Variants in ITGA1 observed in about 807,000 individuals in gnomAD.
ITGA1 encodes integrin subunit alpha 1.
Under a neutral mutation model 145.9 loss-of-function variants are expected in ITGA1, and 85 were observed. That is an observed-to-expected ratio of 0.58 (90% CI 0.49 to 0.70). The LOEUF is 0.70. Among genes scored for constraint, ITGA1 ranks in the 30% least tolerant of loss-of-function variants. The pLI is 0.00. For synonymous variants in ITGA1, 520 were observed against 495.3 expected (o/e 1.05, Z -0.66); for missense variants, 1,351 against 1,418.7 (o/e 0.95, Z 0.77).
intron 28 of ITGA1, among the ~76,000 whole-genome samples, 176 bp from the exon 29 acceptor site, chr5:52,952,231 A>C (rs541155968): frequency 3.8e-4 from 58 of 152,142 alleles, no homozygotes; most frequent in African/African-American, 1.2e-3. Flanking sequence ...CAATTTAATA[A>C]ATGTCATTTT....
chr5:52,800,301 C>G, intron 1 of ITGA1: 3 of 1,416,142 alleles, frequency 2.1e-6, no homozygotes, highest in Non-Finnish European at 2.9e-6. Context: ...GGGCCCCGCC[C>G]CCTTCCTGGC....
intron 28 of ITGA1, among the ~76,000 whole-genome samples, chr5:52,951,391 C>G (rs1176092053): frequency 2.6e-5 from 4 of 152,076 alleles, no homozygotes; most frequent in Non-Finnish European, 5.9e-5. Flanking sequence ...TCCCTTCTAT[C>G]CCCCATACTT....
chr5:52,855,575 G>A (rs369042074), intron 2 of ITGA1, among the ~76,000 whole-genome samples: 1 of 151,938 alleles, frequency 6.6e-6, no homozygotes, highest in Non-Finnish European at 1.5e-5. Context: ...ATTCTACTGG[G>A]GAATAGAGAA....
At chr5:52,819,945 A>T (rs966680818) in intron 1 of ITGA1, among the ~76,000 whole-genome samples, 7 of 152,106 alleles carry the variant, frequency 4.6e-5, no homozygotes, top group African/African-American at 1.7e-4. Flanking sequence ...TTTGTCAAAG[A>T]TCAGATGGTT....
chr5:52,801,464 C>A (rs775396002), intron 1 of ITGA1: 1 of 1,614,060 alleles, frequency 6.2e-7, no homozygotes, highest in Non-Finnish European at 8.5e-7. Flanking sequence ...TGTGACCCTA[C>A]TGTGGCTAGC....
chr5:52,896,271 C>T (rs959057823), intron 9 of ITGA1, among the ~76,000 whole-genome samples: 1 of 152,148 alleles, frequency 6.6e-6, no homozygotes, highest in Non-Finnish European at 1.5e-5. Flanking sequence ...GGCAGAATAG[C>T]GGCAGGGCAG....
chr5:52,917,197 A>T (rs990984144), intron 15 of ITGA1, among the ~76,000 whole-genome samples: 2 of 152,196 alleles, frequency 1.3e-5, no homozygotes, highest in Non-Finnish European at 2.9e-5. Flanking sequence ...TGTGGGGTGG[A>T]CAATGGTCGA....
intron 9 of ITGA1, among the ~76,000 whole-genome samples, chr5:52,896,064 G>C (rs142330293): frequency 6.6e-6 from 1 of 152,132 alleles, no homozygotes; most frequent in East Asian, 1.9e-4. Context: ...TCCATTTCCC[G>C]TTGAGCACTG....
intron 1 of ITGA1, among the ~76,000 whole-genome samples, chr5:52,822,769 T>A (rs1410067653): frequency 6.6e-6 from 1 of 152,230 alleles, no homozygotes; most frequent in Non-Finnish European, 1.5e-5. Context: ...GGACACATAA[T>A]GAAGATGGTT....
At chr5:52,800,530 A>C in intron 1 of ITGA1, 1 of 1,614,082 alleles carries the variant, frequency 6.2e-7, no homozygotes, top group Non-Finnish European at 8.5e-7. Flanking sequence ...CACCATCCGC[A>C]AGGTACAGAC....
At chr5:52,894,360 A>ACTGTAT (rs1267119445) in intron 9 of ITGA1, among the ~76,000 whole-genome samples, 1 of 152,130 alleles carries the variant, frequency 6.6e-6, no homozygotes, top group Non-Finnish European at 1.5e-5. Flanking sequence ...ACATTGGTTC[A>ACTGTAT]CTGTATTTGT....
At chr5:52,865,850 C>A in intron 6 of ITGA1, 33 bp downstream of exon 6, 1 of 1,519,352 alleles carries the variant, frequency 6.6e-7, no homozygotes, top group South Asian at 1.3e-5. Flanking sequence ...TTCTGTTGTT[C>A]TAAAGATAAA....
intron 22 of ITGA1, chr5:52,932,351 T>C: frequency 2.2e-6 from 1 of 454,776 alleles, no homozygotes; most frequent in Non-Finnish European, 3.9e-6. Flanking sequence ...TTGAGAACCA[T>C]TATACTAAAT....
At chr5:52,850,070 T>C (rs1445325577) in intron 2 of ITGA1, among the ~76,000 whole-genome samples, 1 of 151,426 alleles carries the variant, frequency 6.6e-6, no homozygotes, top group Non-Finnish European at 1.5e-5. Flanking sequence ...TGGAGCGATC[T>C]CAGCTCACTG....
In ITGA1 at chr5:52,841,648, A is replaced by C. The variant is rs142407891; in HGVS notation, c.62-7717A>C. On this transcript the variant is annotated intron_variant, in intron 1 of 28. Transcript: ENST00000282588. ...TCCAACCCATAAGACTAATATTATA[A>C]AGTTGTTATACATTAAGGAAAAGGG... Among the ~76,000 whole-genome samples, 1,024 of 152,360 alleles carry C rather than the reference A, an allele frequency of 6.7e-3. 14 individuals carry two copies. Among genetic ancestry groups the C allele is most frequent in the African/African-American group, 0.023 (977 of 41,584 alleles).
intron 26 of ITGA1, among the ~76,000 whole-genome samples, chr5:52,940,602 A>C (rs909612962): frequency 6.6e-6 from 1 of 151,972 alleles, no homozygotes; most frequent in East Asian, 1.9e-4. Context: ...AGTAGAGACT[A>C]TGAAGACATT....
At chr5:52,915,664 C>G (rs1579718332) in intron 15 of ITGA1, 70 bp downstream of exon 15, 2 of 1,540,272 alleles carry the variant, frequency 1.3e-6, no homozygotes, top group East Asian at 4.5e-5. Flanking sequence ...GTGATTGGAG[C>G]TCATGTCATA....
At chr5:52,940,927 T>C (rs1751045318) in intron 26 of ITGA1, among the ~76,000 whole-genome samples, 1 of 152,030 alleles carries the variant, frequency 6.6e-6, no homozygotes, top group Non-Finnish European at 1.5e-5. Context: ...ACCCAATAGG[T>C]AGTTTGTCAG....
chr5:52,876,101 A>AT (rs1749861837), intron 6 of ITGA1, among the ~76,000 whole-genome samples: 1 of 151,940 alleles, frequency 6.6e-6, no homozygotes, highest in Non-Finnish European at 1.5e-5. Flanking sequence ...TATGCTTGTG[A>AT]TTTTCTCTCC....
Sources: allele counts gnomAD v4.1 joint callset (sites outside exome capture counted in the v4.1 genomes callset), GRCh38; gene constraint gnomAD v4.1.1; transcripts MANE v1.5; gene names NCBI Gene and HGNC (gene_info 2026-07-23, HGNC 2026-07-21).